Variants in LYZL1 observed in about 807,000 individuals in gnomAD.
LYZL1 encodes the protein lysozyme like 1.
LYZL1 carries 16 observed loss-of-function variants against 17.9 expected under a neutral mutation model. The observed-to-expected ratio is 0.90, with a 90% CI of 0.61 to 1.36. The LOEUF (loss-of-function observed/expected upper bound fraction) is 1.36, where lower values mean the gene tolerates loss of function less well. Among genes scored for constraint, LYZL1 ranks in the 40% most tolerant of loss-of-function variants. The pLI is 0.00. For synonymous variants in LYZL1, 58 were observed against 71.8 expected, an observed-to-expected ratio of 0.81 and a Z score of 0.97; for missense variants, 149 against 188.4, an observed-to-expected ratio of 0.79 and a Z score of 1.22.
chr10:29,294,464 T>A (rs1289950224), intron 3 of LYZL1, among the ~76,000 whole-genome samples: 1 of 152,220 alleles, frequency 6.6e-6, no homozygotes, highest in African/African-American at 2.4e-5. Flanking sequence ...ATGCAAGAGA[T>A]GCTGAACAGG....
intron 3 of LYZL1, among the ~76,000 whole-genome samples, chr10:29,303,169 G>A (rs996039718): frequency 6.6e-6 from 1 of 152,192 alleles, no homozygotes; most frequent in African/African-American, 2.4e-5. Context: ...AAGACTGGGT[G>A]GAATCCCTTT....
rs923821471 is a variant in LYZL1 at position 29,292,104 on chromosome 10, C to A, written c.139+98C>A. ...CTCCCTGCTGTGTCTTCCCAACTAC[C>A]CCTGCTCTGCCCTCACCGCACTCAG... On this transcript the variant is annotated intron_variant, in intron 2 of 4. Coordinates refer to ENST00000649382, the MANE Select transcript of LYZL1 (RefSeq NM_032517.6). 1.3e-5 allele frequency: 20 copies of A among 1,482,022 alleles called. No homozygotes were observed. The African/African-American group carries it at 2.6e-4, about 19-fold the overall frequency. 91.8% of individuals were successfully genotyped at this position (1,482,022 alleles called of 1,614,324 possible). A position where few individuals can be genotyped will look rare whatever the true frequency, so the allele number is the denominator to read the frequency against.
intron 3 of LYZL1, among the ~76,000 whole-genome samples, chr10:29,297,153 A>G (rs1366612732): frequency 6.6e-6 from 1 of 152,124 alleles, no homozygotes; most frequent in East Asian, 1.9e-4. Flanking sequence ...GGAAATTAAC[A>G]ATATGATACA....
At chr10:29,315,691 T>C (rs1172170224), downstream of LYZL1, among the ~76,000 whole-genome samples, 1 of 151,126 alleles carries the variant, frequency 6.6e-6, no homozygotes, top group Non-Finnish European at 1.5e-5. Flanking sequence ...CTACAAAAAA[T>C]AAAACAGATT....
At chr10:29,290,345 C>T (rs979552766) in intron 1 of LYZL1, among the ~76,000 whole-genome samples, 2 of 152,130 alleles carry the variant, frequency 1.3e-5, no homozygotes, top group Non-Finnish European at 2.9e-5. Flanking sequence ...GGAGACAGCT[C>T]TCTTGATCCT....
chr10:29,292,271 G>A (rs533506843), intron 2 of LYZL1, among the ~76,000 whole-genome samples: 13 of 151,156 alleles, frequency 8.6e-5, no homozygotes, highest in African/African-American at 2.9e-4. Context: ...GCATTGTGGG[G>A]AGTGGGGGGA....
chr10:29,302,898 C>T (rs897484547), intron 3 of LYZL1, among the ~76,000 whole-genome samples: 1 of 152,146 alleles, frequency 6.6e-6, no homozygotes, highest in African/African-American at 2.4e-5. Flanking sequence ...TTCTGATCAG[C>T]GTAACTCTTA....
intron 3 of LYZL1, among the ~76,000 whole-genome samples, chr10:29,299,734 A>G (rs960420058): frequency 2.6e-5 from 4 of 152,230 alleles, no homozygotes; most frequent in Admixed American, 1.3e-4. Context: ...ATAGCAATAC[A>G]GCCCACTCTC....
intron 3 of LYZL1, among the ~76,000 whole-genome samples, chr10:29,306,549 C>CAAAAAAAAAAAAAAAAAAAAAAAA (rs58001118): frequency 1.8e-4 from 9 of 48,804 alleles, no homozygotes; most frequent in East Asian, 1.5e-3. Context: ...GACTCCGTCT[C>CAAAAAAAAAAAAAAAAAAAAAAAA]AAAAAAAAAA....
At chr10:29,290,722 C>G (rs1835351520) in intron 1 of LYZL1, among the ~76,000 whole-genome samples, 1 of 151,862 alleles carries the variant, frequency 6.6e-6, no homozygotes, top group Non-Finnish European at 1.5e-5. Flanking sequence ...GCCTGTAATC[C>G]CAGCTACTCA....
chr10:29,309,237 G>A (rs535268589), intron 3 of LYZL1, among the ~76,000 whole-genome samples: 1 of 151,714 alleles, frequency 6.6e-6, no homozygotes, highest in African/African-American at 2.4e-5. Context: ...GCTGCGGCAG[G>A]AGAATTGCTT....
chr10:29,299,653 C>T (rs1424012616), intron 3 of LYZL1, among the ~76,000 whole-genome samples: 1 of 152,128 alleles, frequency 6.6e-6, no homozygotes, highest in African/African-American at 2.4e-5. Flanking sequence ...TGAATTGACC[C>T]TTTTGTCACT....
At chr10:29,290,764 G>A (rs1835352137) in intron 1 of LYZL1, among the ~76,000 whole-genome samples, 1 of 152,072 alleles carries the variant, frequency 6.6e-6, no homozygotes, top group African/African-American at 2.4e-5. Context: ...GCTTGAACCT[G>A]GGAGGCAGAG....
intron 3 of LYZL1, 113 bp downstream of exon 3, chr10:29,292,790 T>C: frequency 2.0e-6 from 3 of 1,474,530 alleles, no homozygotes; most frequent in Non-Finnish European, 2.7e-6. Context: ...GGCTTGCAAA[T>C]AGGTCTGTTC....
chr10:29,294,754 T>A (rs998802887), intron 3 of LYZL1, among the ~76,000 whole-genome samples: 1 of 152,330 alleles, frequency 6.6e-6, no homozygotes, highest in Non-Finnish European at 1.5e-5. Context: ...CCTCTCCTTA[T>A]TGAAGGGAGA....
chr10:29,309,258 G>A, intron 3 of LYZL1, among the ~76,000 whole-genome samples: 1 of 151,858 alleles, frequency 6.6e-6, no homozygotes, highest in East Asian at 1.9e-4. Flanking sequence ...GAAGCCAGGA[G>A]GCAGAGGCTG....
chr10:29,315,926 C>G (rs576347334), downstream of LYZL1, among the ~76,000 whole-genome samples: 18 of 152,322 alleles, frequency 1.2e-4, no homozygotes, highest in South Asian at 3.5e-3. Flanking sequence ...CCTGCTCAGC[C>G]CCCCGGTGAT....
chr10:29,306,839 TGAGAGAGAGAGAGA>T (rs146929957), intron 3 of LYZL1, among the ~76,000 whole-genome samples: 9 of 138,988 alleles, frequency 6.5e-5, no homozygotes, highest in African/African-American at 2.4e-4. Context: ...TGAAAGAGAT[TGAGAGAGAGAGAGA>T]GAGAGAGAGA....
chr10:29,308,846 T>A lies in LYZL1; in HGVS notation c.299-1264T>A, dbSNP rs184133836. 1.5e-3 allele frequency among the ~76,000 whole-genome samples: 225 copies of A among 151,732 alleles called. 1 individual carries two copies. Among genetic ancestry groups the A allele is most frequent in the Admixed American group, 0.013 (191 of 15,248 alleles). ...CGGGCATGGTGGCCCATGCCTGTAG[T>A]CCCAGCTACTTGAGAGGCTCAGGTG... is the stretch of plus-strand genomic sequence containing the variant. On this transcript the variant is annotated intron_variant, in intron 3 of 4. Coordinates refer to ENST00000649382, the MANE Select transcript of LYZL1 (RefSeq NM_032517.6).
Sources: gnomAD v4.1 joint callset for allele counts (sites outside exome capture counted in the v4.1 genomes callset) on GRCh38, gnomAD v4.1.1 for gene constraint, MANE v1.5 for transcripts, NCBI Gene and HGNC (gene_info 2026-07-23, HGNC 2026-07-21) for gene names.